Variants in XPNPEP1 observed in about 807,000 individuals in gnomAD.
XPNPEP1 encodes the protein xaa-Pro aminopeptidase 1.
XPNPEP1 carries 39 observed loss-of-function variants against 92.4 expected under a neutral mutation model. That is an observed-to-expected ratio of 0.42 (90% CI 0.33 to 0.55). The LOEUF is 0.55. Ranked by LOEUF, XPNPEP1 falls within the 20% of genes least tolerant of loss-of-function variation. XPNPEP1 has a pLI of 0.08. For synonymous variants in XPNPEP1, 307 were observed against 299.4 expected, an observed-to-expected ratio of 1.03 and a Z score of -0.26; for missense variants, 654 against 856.1, an observed-to-expected ratio of 0.76 and a Z score of 2.95.
chr10:109,888,504 T>G lies in XPNPEP1; in HGVS notation c.507A>C (p.Thr169=). 6.2e-7 allele frequency: 1 copy of G among 1,609,644 alleles called. No homozygotes were observed. The highest frequency in any genetic ancestry group is 1.7e-4 in the Middle Eastern group (1 of 6,038). ...CAGAAAGGGACCAAGCTCACTTACC[T>G]GTAGGAATGATCAAGGGGTCCACAC... The part of the protein sequence containing the change: ...RVGVDPLIIP[T]DYWKKMAKVL... The change falls in exon 6 of 21, where the codon ACA becomes ACC. Residue 169 remains threonine, a splice_region_variant and synonymous_variant. Coordinates refer to ENST00000502935, the MANE Select transcript of XPNPEP1 (RefSeq NM_020383.4).
intron 1 of XPNPEP1, among the ~76,000 whole-genome samples, chr10:109,917,873 C>T (rs2133575252): frequency 6.6e-6 from 1 of 152,284 alleles, no homozygotes; most frequent in East Asian, 1.9e-4. Flanking sequence ...TAGTCTCTTC[C>T]ACAAATGGTG....
chr10:109,899,927 T>C (rs970226623), intron 3 of XPNPEP1, among the ~76,000 whole-genome samples: 9 of 152,208 alleles, frequency 5.9e-5, no homozygotes, highest in African/African-American at 2.2e-4. Context: ...AATCCCAATA[T>C]ACGACTAGGA....
chr10:109,891,774 G>A lies in XPNPEP1; in HGVS notation c.363C>T (p.Tyr121=), dbSNP rs1372164353. ...EHAAMWTDGR[Y]FLQAAKQMDS... The stretch of plus-strand genomic sequence containing the variant: ...CCATTTGCTTGGCAGCCTGGAGAAA[G>A]TAGCGCCCGTCAGTCCACATGGCTG... Residue 121 remains tyrosine (Y), a synonymous_variant, in exon 5 of 21, where the codon TAC becomes TAT. Coordinates refer to ENST00000502935, the MANE Select transcript of XPNPEP1 (RefSeq NM_020383.4). The A allele has an allele frequency of 6.3e-7, 1 of 1,598,536 alleles. No individual in the cohort carries two copies. Among genetic ancestry groups the A allele is most frequent in the Admixed American group, 1.8e-5 (1 of 55,416 alleles).
intron 16 of XPNPEP1, among the ~76,000 whole-genome samples, 195 bp from the exon 17 acceptor site, chr10:109,872,056 T>C (rs1235556433): frequency 2.6e-5 from 4 of 152,204 alleles, no homozygotes; most frequent in Non-Finnish European, 4.4e-5. Context: ...TGAAATTCAA[T>C]TTAGTAGAAG....
At position 109,880,714 on chromosome 10, in the gene XPNPEP1, GA is replaced by G. The variant is rs924305226; in HGVS notation, c.1131+127del. The G allele has an allele frequency of 5.0e-6, 4 of 799,544 alleles. No homozygotes were observed. The Admixed American group carries it at 8.6e-5, about 17-fold the overall frequency. The allele number at this position is 799,544 out of a possible 1,614,324, so 49.5% of individuals were successfully genotyped here. A position where few individuals can be genotyped will look rare whatever the true frequency, so the allele number is the denominator to read the frequency against. ...TTCATTCCCTCAATAACTCCTCCTG[GA>G]AGGCCAGGAGGCTGAGGCTCAGAGA... is the stretch of plus-strand genomic sequence containing the variant. On this transcript the variant is annotated intron_variant, in intron 11 of 20. Transcript: ENST00000502935.
At chr10:109,904,822 T>C (rs1350847732) in intron 3 of XPNPEP1, among the ~76,000 whole-genome samples, 1 of 152,104 alleles carries the variant, frequency 6.6e-6, no homozygotes, top group Admixed American at 6.5e-5. Context: ...GAATGCAAAA[T>C]AGTACAGGTG....
chr10:109,879,013 C>T (rs532339786), intron 12 of XPNPEP1, among the ~76,000 whole-genome samples: 54 of 148,308 alleles, frequency 3.6e-4, no homozygotes, highest in Middle Eastern at 7.8e-3. Flanking sequence ...GAGGCCGAGG[C>T]GGGCGGATCA....
At chr10:109,870,385 T>C (rs1847388145) in intron 18 of XPNPEP1, among the ~76,000 whole-genome samples, 1 of 152,130 alleles carries the variant, frequency 6.6e-6, no homozygotes, top group Non-Finnish European at 1.5e-5. Flanking sequence ...AAAGGCAATG[T>C]ATCAAGTAAG....
chr10:109,869,939 T>A lies in XPNPEP1; in HGVS notation c.1773+14A>T, dbSNP rs377540773. ...GCTAATAGAAACAGGAAAATTTTTT[T>A]AATAAATCCTCACCTTGGTCTTCAC... On this transcript the variant is annotated intron_variant, in intron 19 of 20. Coordinates refer to ENST00000502935, the MANE Select transcript of XPNPEP1 (RefSeq NM_020383.4). 3.0e-5 allele frequency: 49 copies of A among 1,613,674 alleles called. No homozygotes were observed. The highest frequency in any genetic ancestry group is 2.0e-4 in the African/African-American group (15 of 74,920).
chr10:109,884,296 C>T (rs1848270041), intron 8 of XPNPEP1, 148 bp from the exon 9 acceptor site: 18 of 694,540 alleles, frequency 2.6e-5, no homozygotes, highest in South Asian at 1.5e-4. Flanking sequence ...GCCTGACTCC[C>T]GTCTGGTTCC....
At chr10:109,898,567 G>A (rs1356266826) in intron 3 of XPNPEP1, among the ~76,000 whole-genome samples, 2 of 152,226 alleles carry the variant, frequency 1.3e-5, no homozygotes, top group African/African-American at 4.8e-5. Context: ...AAACAGTCCA[G>A]AGGGAAAGGT....
intron 2 of XPNPEP1, among the ~76,000 whole-genome samples, chr10:109,913,217 A>AT (rs762386993): frequency 3.7e-4 from 57 of 152,302 alleles, no homozygotes; most frequent in Non-Finnish European, 7.6e-4. Context: ...CACAAACAAG[A>AT]TTTTTCACTG....
In XPNPEP1 at chr10:109,913,175, T is replaced by C. The variant is rs537607709; in HGVS notation, c.121+1836A>G. Among the ~76,000 whole-genome samples, 4 of 152,370 alleles carry C rather than the reference T, an allele frequency of 2.6e-5. No homozygotes were observed. The East Asian group carries it at 7.7e-4, about 29-fold the overall frequency. On this transcript the variant is annotated intron_variant, in intron 2 of 20. Coordinates refer to ENST00000502935, the MANE Select transcript of XPNPEP1 (RefSeq NM_020383.4). The stretch of plus-strand genomic sequence containing the variant: ...AGTCTTGCATATACAGGTCTGCTTT[T>C]AGAAATAAGTTCCCACACCTTCAGC...
chr10:109,898,423 CA>C (rs1849098766), intron 3 of XPNPEP1, among the ~76,000 whole-genome samples: 1 of 152,214 alleles, frequency 6.6e-6, no homozygotes, highest in Non-Finnish European at 1.5e-5. Context: ...CACTAATAAA[CA>C]GCCATATAAA....
At chr10:109,870,164 A>G (rs1847375457) in intron 18 of XPNPEP1, 135 bp from the exon 19 acceptor site, 1 of 964,904 alleles carries the variant, frequency 1.0e-6, no homozygotes, top group Non-Finnish European at 1.5e-6. Flanking sequence ...TATCTGGTGT[A>G]AGAGCCTAGA....
chr10:109,900,742 C>A (rs4918471), intron 3 of XPNPEP1, among the ~76,000 whole-genome samples: 44,004 of 152,032 alleles, frequency 0.29, 6,731 homozygotes, highest in Admixed American at 0.45. Flanking sequence ...ACACTGCTCC[C>A]TCTGATCATG....
At position 109,871,839 on chromosome 10, in the gene XPNPEP1, T is replaced by C. The variant is rs1847498246; in HGVS notation, c.1475A>G (p.Lys492Arg). ...YEKECFTYVL[K>R]GHIAVSAAVF... The stretch of plus-strand genomic sequence containing the variant: ...GGCTGCACTCACAGCTATGTGGCCC[T>C]TGAGGACATATGTGAAGCATTCCTG... Residue 492 changes from lysine (K) to arginine (R), a missense_variant, in exon 17 of 21, where the codon AAG (lysine) becomes AGG (arginine). Coordinates refer to ENST00000502935, the MANE Select transcript of XPNPEP1 (RefSeq NM_020383.4). 6.2e-7 allele frequency: 1 copy of C among 1,614,066 alleles called. No individual in the cohort carries two copies. The highest frequency in any genetic ancestry group is 8.5e-7 in the Non-Finnish European group (1 of 1,180,030).
chr10:109,877,696 C>G, intron 14 of XPNPEP1, 94 bp downstream of exon 14: 1 of 1,431,566 alleles, frequency 7.0e-7, no homozygotes, highest in Non-Finnish European at 9.8e-7. Context: ...TGAAGGTGGG[C>G]ACAGAGGCCT....
chr10:109,872,185 T>C (rs1157660861), intron 16 of XPNPEP1, among the ~76,000 whole-genome samples: 1 of 152,240 alleles, frequency 6.6e-6, no homozygotes. Flanking sequence ...CTAGCTAACA[T>C]TACTGAGCTA....
Sources: allele counts gnomAD v4.1 joint callset (sites outside exome capture counted in the v4.1 genomes callset), GRCh38; gene constraint gnomAD v4.1.1; transcripts MANE v1.5; gene names NCBI Gene and HGNC (gene_info 2026-07-23, HGNC 2026-07-21).